Variants in GRXCR1 observed in about 807,000 individuals in gnomAD.
GRXCR1 encodes the protein glutaredoxin and cysteine rich domain containing 1, also known as glutaredoxin domain-containing cysteine-rich protein 1.
Under a neutral mutation model 27.3 loss-of-function variants are expected in GRXCR1, and 27 were observed. The observed-to-expected ratio is 0.99, with a 90% CI of 0.73 to 1.37. The LOEUF (loss-of-function observed/expected upper bound fraction) is 1.37, where lower values mean the gene tolerates loss of function less well. GRXCR1 is among the 40% of genes most tolerant of loss of function. The pLI, the probability that GRXCR1 is intolerant of heterozygous loss-of-function variation, is 0.00. For synonymous variants in GRXCR1, 122 were observed against 131.1 expected (o/e 0.93, Z 0.47); for missense variants, 379 against 354.4 (o/e 1.07, Z -0.56).
intron 2 of GRXCR1, among the ~76,000 whole-genome samples, chr4:43,009,007 C>G (rs1053295756): frequency 1.3e-5 from 2 of 152,206 alleles, no homozygotes; most frequent in African/African-American, 4.8e-5. Context: ...CTGGCATTGT[C>G]CTATCCATGG....
At chr4:43,006,257 G>A (rs150186458) in intron 2 of GRXCR1, among the ~76,000 whole-genome samples, 6,097 of 152,238 alleles carry the variant, frequency 0.04, 368 homozygotes, top group African/African-American at 0.13. Flanking sequence ...AATATGAAAT[G>A]TGGGCACCTT....
chr4:42,924,169 A>G (rs550697362), intron 1 of GRXCR1, among the ~76,000 whole-genome samples: 12 of 152,252 alleles, frequency 7.9e-5, no homozygotes, highest in Admixed American at 3.3e-4. Flanking sequence ...GACCCTACAT[A>G]CAAGAATCGG....
At chr4:43,000,495 A>AG (rs964473629) in intron 2 of GRXCR1, among the ~76,000 whole-genome samples, 1 of 148,628 alleles carries the variant, frequency 6.7e-6, no homozygotes, top group Non-Finnish European at 1.5e-5. Context: ...AAAAAAAAAA[A>AG]AAGAAGGCAT....
chr4:42,923,822 T>C (rs1377212367), intron 1 of GRXCR1, among the ~76,000 whole-genome samples: 1 of 152,070 alleles, frequency 6.6e-6, no homozygotes, highest in Admixed American at 6.6e-5. Flanking sequence ...TGGGTAGCAC[T>C]GAAGGTGATG....
rs541300180 is a variant in GRXCR1 at position 42,905,003 on chromosome 4, C to T, written c.384+11353C>T. Among the ~76,000 whole-genome samples the T allele has an allele frequency of 1.4e-4, 21 of 152,234 alleles. No homozygotes were observed. The South Asian group carries it at 3.7e-3, about 27-fold the overall frequency. Reference sequence around the variant, plus strand: ...AAGTCCTGGGCCACTCCGTAAAAGGCATCTTGGTACCACAAGATTTTTTGG... The same window carrying T: ...AAGTCCTGGGCCACTCCGTAAAAGGTATCTTGGTACCACAAGATTTTTTGG... On this transcript the variant is annotated intron_variant, in intron 1 of 3. Transcript: ENST00000399770.
chr4:42,903,216 C>T (rs879651761), intron 1 of GRXCR1, among the ~76,000 whole-genome samples: 1 of 126,380 alleles, frequency 7.9e-6, no homozygotes, highest in Non-Finnish European at 1.7e-5. Context: ...ACAAAGATAA[C>T]ACAAATCAAC....
At chr4:43,028,208 A>G (rs1451723897) in intron 3 of GRXCR1, among the ~76,000 whole-genome samples, 1 of 152,196 alleles carries the variant, frequency 6.6e-6, no homozygotes, top group African/African-American at 2.4e-5. Context: ...GTCAACTCTA[A>G]CCTATAAATT....
intron 1 of GRXCR1, among the ~76,000 whole-genome samples, chr4:42,939,091 T>C (rs1747535028): frequency 6.6e-6 from 1 of 152,058 alleles, no homozygotes; most frequent in African/African-American, 2.4e-5. Flanking sequence ...TATAGATTGC[T>C]TTGGCTAGAC....
intron 2 of GRXCR1, among the ~76,000 whole-genome samples, chr4:42,964,643 G>A (rs1483524976): frequency 6.6e-6 from 1 of 152,022 alleles, no homozygotes; most frequent in Non-Finnish European, 1.5e-5. Context: ...AGCAATCAAA[G>A]TTATGTCTGT....
At chr4:43,017,806 G>A (rs573529513) in intron 2 of GRXCR1, among the ~76,000 whole-genome samples, 5 of 152,298 alleles carry the variant, frequency 3.3e-5, no homozygotes, top group African/African-American at 1.2e-4. Flanking sequence ...ATGTCAATGT[G>A]TAAGGAAATA....
intron 1 of GRXCR1, among the ~76,000 whole-genome samples, chr4:42,925,475 G>A (rs1355313237): frequency 6.6e-6 from 1 of 152,002 alleles, no homozygotes; most frequent in Non-Finnish European, 1.5e-5. Flanking sequence ...AATTGCAGCA[G>A]CCCAGTTAAC....
rs767983183 is a variant in GRXCR1, at chr4:42,963,140, T to A, written c.627+6T>A. On this transcript the variant is annotated splice_donor_region_variant and intron_variant, in intron 2 of 3. Coordinates refer to ENST00000399770, the MANE Select transcript of GRXCR1 (RefSeq NM_001080476.3). ...TTGATGGCCATTACCTTGGGGTAAG[T>A]AAGCTGCCCAGGAAAGTCTTTTTCA... 3 of 1,612,524 alleles carry A rather than the reference T, an allele frequency of 1.9e-6. No homozygotes were observed. The South Asian group carries it at 3.3e-5, about 18-fold the overall frequency.
intron 1 of GRXCR1, among the ~76,000 whole-genome samples, chr4:42,947,613 A>C (rs1747778649): frequency 6.6e-6 from 1 of 152,166 alleles, no homozygotes; most frequent in Non-Finnish European, 1.5e-5. Context: ...TAATTTCATT[A>C]GATTGCCTTT....
At chr4:42,988,596 G>C (rs1349440024) in intron 2 of GRXCR1, among the ~76,000 whole-genome samples, 1 of 152,080 alleles carries the variant, frequency 6.6e-6, no homozygotes, top group Non-Finnish European at 1.5e-5. Context: ...TTTTTCCTTT[G>C]TAGAAGAAAC....
At chr4:43,020,253 C>T in intron 2 of GRXCR1, 101 bp from the exon 3 acceptor site, 4 of 775,768 alleles carry the variant, frequency 5.2e-6, no homozygotes, top group Non-Finnish European at 7.0e-6. Flanking sequence ...AAGGGAAGAA[C>T]TGTGCTCAGT....
chr4:43,013,012 C>A lies in GRXCR1; in HGVS notation c.628-7342C>A, dbSNP rs116383847. 5.4e-3 allele frequency among the ~76,000 whole-genome samples: 812 copies of A among 151,516 alleles called. 12 individuals carry two copies. Among genetic ancestry groups the A allele is most frequent in the African/African-American group, 0.018 (740 of 41,336 alleles). Reference sequence around the variant, plus strand: ...TCACAGTCAGAATGGCTGTTATAAGCAAAAAAAATAACAGACGCTAGTGAG... The same window carrying A: ...TCACAGTCAGAATGGCTGTTATAAGAAAAAAAAATAACAGACGCTAGTGAG... On this transcript the variant is annotated intron_variant, in intron 2 of 3. Transcript: ENST00000399770.
rs533972135 is a variant in GRXCR1, at chr4:42,893,885, T to C, written c.384+235T>C. On this transcript the variant is annotated intron_variant, in intron 1 of 3. Coordinates refer to ENST00000399770, the MANE Select transcript of GRXCR1 (RefSeq NM_001080476.3). The stretch of plus-strand genomic sequence containing the variant: ...TTTCTAACACATAAGTGGTCTTTTT[T>C]TCCTTCCAGTGTGTGATGACTAATA... 7.2e-5 allele frequency among the ~76,000 whole-genome samples: 11 copies of C among 152,288 alleles called. No homozygotes were observed. The South Asian group carries it at 2.1e-3, about 29-fold the overall frequency.
intron 2 of GRXCR1, among the ~76,000 whole-genome samples, chr4:43,008,378 G>A (rs1442885234): frequency 6.6e-6 from 1 of 152,122 alleles, no homozygotes; most frequent in Non-Finnish European, 1.5e-5. Context: ...CATGAGAAGG[G>A]AAATAGGAGA....
At chr4:43,003,461 A>G (rs902775275) in intron 2 of GRXCR1, among the ~76,000 whole-genome samples, 4 of 152,202 alleles carry the variant, frequency 2.6e-5, no homozygotes, top group Non-Finnish European at 4.4e-5. Context: ...GGCTCAGAAG[A>G]CAGGAAGATT....
Sources: allele counts gnomAD v4.1 joint callset (sites outside exome capture counted in the v4.1 genomes callset), GRCh38; gene constraint gnomAD v4.1.1; transcripts MANE v1.5; gene names NCBI Gene and HGNC (gene_info 2026-07-23, HGNC 2026-07-21).